Variants in TLK1 observed in about 807,000 individuals in gnomAD.
TLK1 encodes the protein serine/threonine-protein kinase tousled-like 1.
In TLK1, 24 loss-of-function variants were observed where a neutral mutation model predicts 105.3. That is an observed-to-expected ratio of 0.23 (90% CI 0.17 to 0.32). The LOEUF (loss-of-function observed/expected upper bound fraction) is 0.32, where lower values mean the gene tolerates loss of function less well. Ranked by LOEUF, TLK1 falls within the 10% of genes least tolerant of loss-of-function variation. TLK1 has a pLI of 1.00. For synonymous variants in TLK1, 321 were observed against 310.4 expected (o/e 1.03, Z -0.36); for missense variants, 558 against 910.5 (o/e 0.61, Z 4.98).
At chr2:171,113,553 G>A (rs891370458) in intron 2 of TLK1, among the ~76,000 whole-genome samples, 5 of 152,026 alleles carry the variant, frequency 3.3e-5, no homozygotes, top group Admixed American at 2.6e-4. Flanking sequence ...GATTACAAGC[G>A]TGAGCCACCA....
At chr2:171,030,439 G>A (rs1685984764) in intron 11 of TLK1, among the ~76,000 whole-genome samples, 2 of 152,164 alleles carry the variant, frequency 1.3e-5, no homozygotes, top group African/African-American at 4.8e-5. Flanking sequence ...TAAATTTAGA[G>A]AATTAAATGC....
chr2:171,203,141 G>A (rs531631175), intron 1 of TLK1, among the ~76,000 whole-genome samples: 10 of 151,960 alleles, frequency 6.6e-5, no homozygotes, highest in Non-Finnish European at 1.0e-4. Flanking sequence ...GGATCCCCAT[G>A]CCCTCTTGGT....
chr2:171,106,361 A>T (rs1243294799), intron 2 of TLK1, among the ~76,000 whole-genome samples: 1 of 152,252 alleles, frequency 6.6e-6, no homozygotes, highest in Non-Finnish European at 1.5e-5. Flanking sequence ...ATCACAAAGA[A>T]ATGATAAATG....
In TLK1 at chr2:171,093,459, A is replaced by G. The variant is rs560899786; in HGVS notation, c.259-10607T>C. 1.2e-3 allele frequency among the ~76,000 whole-genome samples: 181 copies of G among 152,332 alleles called. 2 individuals carry two copies. The highest frequency in any genetic ancestry group is 2.1e-3 in the Non-Finnish European group (142 of 68,034). On this transcript the variant is annotated intron_variant, in intron 2 of 20. Transcript: ENST00000431350. ...TGATGAAAAGAAAGGGCATATGGGCATCTGAAACAAAGTGAACTGTATGTT... is the reference window on the plus strand; with the variant it reads ...TGATGAAAAGAAAGGGCATATGGGCGTCTGAAACAAAGTGAACTGTATGTT...
chr2:171,081,694 GC>G (rs1352180253), intron 3 of TLK1: 1 of 1,304,106 alleles, frequency 7.7e-7, no homozygotes, highest in Non-Finnish European at 1.0e-6. Context: ...CCTTTCAGCT[GC>G]CTGCCAGTTG....
chr2:171,101,704 C>T (rs1689701707), intron 2 of TLK1, among the ~76,000 whole-genome samples: 1 of 152,120 alleles, frequency 6.6e-6, no homozygotes, highest in South Asian at 2.1e-4. Flanking sequence ...AAAAGCTCAA[C>T]AAAGTACAGT....
At chr2:171,018,885 G>A (rs1685334654) in intron 12 of TLK1, among the ~76,000 whole-genome samples, 1 of 152,216 alleles carries the variant, frequency 6.6e-6, no homozygotes, top group Non-Finnish European at 1.5e-5. Context: ...GTATTAAAGA[G>A]AGAGGTAAGT....
chr2:171,117,921 ACAAAT>A, intron 1 of TLK1, 64 bp from the exon 2 acceptor site: 1 of 1,142,316 alleles, frequency 8.8e-7, no homozygotes, highest in Non-Finnish European at 1.2e-6. Context: ...ACTTACACAC[ACAAAT>A]ATATATATGT....
At chr2:171,226,014 T>C (rs1693890719) in intron 1 of TLK1, among the ~76,000 whole-genome samples, 1 of 152,164 alleles carries the variant, frequency 6.6e-6, no homozygotes, top group African/African-American at 2.4e-5. Context: ...TAAATCGATA[T>C]AATACTCTCT....
chr2:171,154,072 CT>C (rs34107077), intron 1 of TLK1: 148 of 144,816 alleles, frequency 1.0e-3, no homozygotes, highest in East Asian at 1.0e-3. Flanking sequence ...ACCCAGCTAA[CT>C]TTTTTTTTTT....
chr2:171,164,891 C>A (rs1692578200), upstream of TLK1, among the ~76,000 whole-genome samples: 1 of 151,348 alleles, frequency 6.6e-6, no homozygotes, highest in Non-Finnish European at 1.5e-5. Flanking sequence ...GAGGTTAAGG[C>A]AGGAGGATCA....
chr2:171,036,349 G>C (rs1686335490), intron 11 of TLK1, among the ~76,000 whole-genome samples: 1 of 152,242 alleles, frequency 6.6e-6, no homozygotes, highest in Non-Finnish European at 1.5e-5. Flanking sequence ...GGGAGGCTGA[G>C]GCAGGAGAAT....
At chr2:171,054,323 ATT>A (rs1326905171) in intron 7 of TLK1, 1 of 152,388 alleles carries the variant, frequency 6.6e-6, no homozygotes, top group Non-Finnish European at 1.5e-5. Flanking sequence ...TACACAAAAT[ATT>A]GTTTTTAACT....
In TLK1 at chr2:171,160,730, C is replaced by G. The variant is rs911685187; in HGVS notation, c.-302G>C. ...GCGGAGGCGTCGAGGGGGTGCCAGC[C>G]GGGCCGGGGTCGGAGCGCGGGCGGA... On this transcript the variant is annotated 5_prime_UTR_variant, in exon 1 of 21. Coordinates refer to ENST00000431350, the MANE Select transcript of TLK1 (RefSeq NM_012290.5). This position sits in a 1 kb window ranked among gnomAD's most constrained non-coding sequence, Gnocchi z 4.4. The G allele has an allele frequency of 1.6e-4, 73 of 449,274 alleles. No homozygotes were observed. In the Admixed American group the frequency reaches 3.0e-3, roughly 18 times the overall value. The allele number at this position is 449,274 out of a possible 1,614,324, so 27.8% of individuals were successfully genotyped here.
intron 1 of TLK1, among the ~76,000 whole-genome samples, chr2:171,158,250 G>A (rs1692312554): frequency 6.6e-6 from 1 of 152,106 alleles, no homozygotes; most frequent in Non-Finnish European, 1.5e-5. Context: ...CAGGTACTCG[G>A]TGTGAAGTGT....
At chr2:171,095,299 T>C (rs1689406398) in intron 2 of TLK1, among the ~76,000 whole-genome samples, 1 of 147,622 alleles carries the variant, frequency 6.8e-6, no homozygotes, top group African/African-American at 2.5e-5. Context: ...AAATAGAGAA[T>C]AGAAAAACAA....
At chr2:171,004,322 A>T (rs1684543337) in intron 18 of TLK1, among the ~76,000 whole-genome samples, 1 of 152,112 alleles carries the variant, frequency 6.6e-6, no homozygotes, top group Non-Finnish European at 1.5e-5. Context: ...AATTGTTGCA[A>T]ATCTCCAAAA....
Position 171,191,674 on chromosome 2 carries a change from T to G in TLK1, c.-6+39471A>C, listed in dbSNP as rs1228077034. Among the ~76,000 whole-genome samples the G allele has an allele frequency of 2.0e-5, 3 of 152,160 alleles. No individual in the cohort carries two copies. In the East Asian group the frequency reaches 5.8e-4, roughly 29 times the overall value. Reference sequence around the variant, plus strand: ...AAGGGAAATTGAGTTTTAAATCATCTTACTTCTGCCACTGAAAACTAAAAT... The same window carrying G: ...AAGGGAAATTGAGTTTTAAATCATCGTACTTCTGCCACTGAAAACTAAAAT... On this transcript the variant is annotated intron_variant, in intron 1 of 20. Transcript: ENST00000521943.
intron 2 of TLK1, among the ~76,000 whole-genome samples, chr2:171,093,893 T>C (rs1689344980): frequency 6.6e-6 from 1 of 151,630 alleles, no homozygotes. Context: ...AGACGCCACC[T>C]GATTGTAGCC....
Sources: allele counts gnomAD v4.1 joint callset (sites outside exome capture counted in the v4.1 genomes callset), GRCh38; gene constraint gnomAD v4.1.1; non-coding constraint Gnocchi (gnomAD v3.1); transcripts MANE v1.5; gene names NCBI Gene and HGNC (gene_info 2026-07-23, HGNC 2026-07-21).